Variants in LRP5 observed in about 807,000 individuals in gnomAD.
LRP5 encodes LDL receptor related protein 5, also known as low-density lipoprotein receptor-related protein 5.
LRP5 carries 62 observed loss-of-function variants against 154.1 expected under a neutral mutation model. That is an observed-to-expected ratio of 0.40 (90% CI 0.33 to 0.50). LRP5 has a LOEUF of 0.50. Among genes scored for constraint, LRP5 ranks in the 20% least tolerant of loss-of-function variants. LRP5 has a pLI of 0.55. For missense variants in LRP5, 1,915 were observed against 2,336.7 expected (o/e 0.82, Z 3.72); for synonymous variants, 966 against 1,011.5 (o/e 0.96, Z 0.85).
chr11:68,314,698 T>C (rs2153111163), intron 1 of LRP5, among the ~76,000 whole-genome samples: 1 of 152,324 alleles, frequency 6.6e-6, no homozygotes, highest in South Asian at 2.1e-4. Context: ...AGGGCCGGCC[T>C]GTCCAGGCAC....
At chr11:68,428,050 T>A (rs2098669845) in intron 16 of LRP5, among the ~76,000 whole-genome samples, 1 of 151,738 alleles carries the variant, frequency 6.6e-6, no homozygotes, top group Admixed American at 6.6e-5. Context: ...TGGAGTGCAG[T>A]GGCGCGATCT....
At chr11:68,332,617 A>C (rs1019972607) in intron 1 of LRP5, among the ~76,000 whole-genome samples, 1 of 152,048 alleles carries the variant, frequency 6.6e-6, no homozygotes, top group African/African-American at 2.4e-5. Flanking sequence ...GAGACCAGGG[A>C]GGGTTTTTAG....
chr11:68,298,718 C>G, the LRP5 span, among the ~76,000 whole-genome samples: 1 of 152,152 alleles, frequency 6.6e-6, no homozygotes, highest in African/African-American at 2.4e-5. Context: ...AGGACTCCAC[C>G]AGGGAGCAGG....
At chr11:68,347,645 C>T (rs1400687820) in intron 1 of LRP5, among the ~76,000 whole-genome samples, 5 of 152,214 alleles carry the variant, frequency 3.3e-5, no homozygotes, top group South Asian at 2.1e-4. Flanking sequence ...CTGTTTGCTG[C>T]GCTGCAGGAG....
At chr11:68,394,386 G>A (rs554185227) in intron 7 of LRP5, among the ~76,000 whole-genome samples, 6 of 151,848 alleles carry the variant, frequency 4.0e-5, no homozygotes, top group Admixed American at 2.6e-4. Flanking sequence ...GAACAGGGGG[G>A]TCGCAGGAGC....
chr11:68,390,135 C>T (rs1354198177), intron 7 of LRP5, 83 bp downstream of exon 7: 7 of 1,510,578 alleles, frequency 4.6e-6, no homozygotes, highest in African/African-American at 4.1e-5. Context: ...GGCGAGGCAC[C>T]GATGGGTGCC....
At chr11:68,347,136 T>G (rs972876883) in intron 1 of LRP5, among the ~76,000 whole-genome samples, 1 of 152,188 alleles carries the variant, frequency 6.6e-6, no homozygotes, top group Non-Finnish European at 1.5e-5. Flanking sequence ...GAGGCCAGGC[T>G]AGGGGGTCTG....
At chr11:68,445,796 G>T (rs1591337800) in intron 21 of LRP5, 2 of 593,198 alleles carry the variant, frequency 3.4e-6, no homozygotes, top group East Asian at 1.1e-4. Context: ...TGGTGAATTT[G>T]TCTATTTACT....
At chr11:68,372,914 A>G (rs1027554473) in intron 5 of LRP5, among the ~76,000 whole-genome samples, 7 of 152,056 alleles carry the variant, frequency 4.6e-5, no homozygotes, top group African/African-American at 1.7e-4. Flanking sequence ...GGAGGGGGGC[A>G]GGGCCTGGCT....
rs2098661604 is a variant in LRP5, at chr11:68,414,803, A to G, written c.2827+791A>G. On this transcript the variant is annotated intron_variant, in intron 12 of 22. Transcript: ENST00000294304. ...CCTGTCCCAGCTGCATGGATGGGGA[A>G]CTTGAGGCTTGCAAAGGTTAAGGGG... 2.0e-5 allele frequency among the ~76,000 whole-genome samples: 3 copies of G among 152,194 alleles called. No homozygotes were observed. In the South Asian group the frequency reaches 6.2e-4, roughly 32 times the overall value.
At chr11:68,371,140 G>A (rs944418959) in intron 5 of LRP5, among the ~76,000 whole-genome samples, 1 of 152,200 alleles carries the variant, frequency 6.6e-6, no homozygotes, top group African/African-American at 2.4e-5. Flanking sequence ...GGCAGCTGGT[G>A]TGGAAATAGA....
intron 7 of LRP5, among the ~76,000 whole-genome samples, chr11:68,402,852 A>T (rs2098653365): frequency 1.3e-5 from 2 of 152,156 alleles, no homozygotes; most frequent in Non-Finnish European, 2.9e-5. Context: ...GTCTGTTCCA[A>T]ATCTTGCTTC....
rs1389185466 is a variant in LRP5 at position 68,413,995 on chromosome 11, G to C, written c.2810G>C (p.Ser937Thr). 1.9e-6 allele frequency: 3 copies of C among 1,603,628 alleles called. No individual in the cohort carries two copies. Among genetic ancestry groups the C allele is most frequent in the African/African-American group, 2.7e-5 (2 of 74,930 alleles). Residue 937 changes from serine to threonine, a missense_variant, in exon 12 of 23, where the codon AGC becomes ACC. Ser to Thr is a moderately conservative substitution (Grantham distance 58). Coordinates refer to ENST00000294304, the MANE Select transcript of LRP5 (RefSeq NM_002335.4). This position sits in a 1 kb window ranked among gnomAD's most constrained non-coding sequence, Gnocchi z 5.1. ...GCASHYTLDP[S>T]SRNCSPPTTF... ...GCCTCACACTACACCCTGGACCCCA[G>C]CAGCCGCAACTGCAGCCGTAAGTGC... is the stretch of plus-strand genomic sequence containing the variant.
At chr11:68,409,349 G>A (rs2098658105) in intron 9 of LRP5, among the ~76,000 whole-genome samples, 1 of 143,506 alleles carries the variant, frequency 7.0e-6, no homozygotes, top group Non-Finnish European at 1.5e-5. Flanking sequence ...ATTTTTTAAT[G>A]TATGATATAT....
intron 12 of LRP5, among the ~76,000 whole-genome samples, chr11:68,415,428 G>T (rs1027185982): frequency 1.3e-5 from 2 of 152,146 alleles, no homozygotes; most frequent in Admixed American, 6.5e-5. Flanking sequence ...CCTGCCTTCC[G>T]TCTTAAGTGT....
At chr11:68,321,688 A>G (rs1327817438) in intron 1 of LRP5, among the ~76,000 whole-genome samples, 3 of 152,164 alleles carry the variant, frequency 2.0e-5, no homozygotes, top group African/African-American at 7.2e-5. Flanking sequence ...ATGCACACTA[A>G]TTTTAGCATT....
chr11:68,371,564 C>T (rs1392970284), intron 5 of LRP5, among the ~76,000 whole-genome samples: 3 of 152,262 alleles, frequency 2.0e-5, no homozygotes, highest in African/African-American at 7.2e-5. Context: ...TGAGCACAGT[C>T]GCTGTTCTCG....
At chr11:68,323,436 G>C (rs1299027211) in intron 1 of LRP5, among the ~76,000 whole-genome samples, 2 of 151,490 alleles carry the variant, frequency 1.3e-5, no homozygotes, top group African/African-American at 2.4e-5. Context: ...TTTTGAGATA[G>C]AGTCTGACTC....
intron 3 of LRP5, among the ~76,000 whole-genome samples, chr11:68,360,049 A>C (rs1441531353): frequency 6.6e-6 from 1 of 152,038 alleles, no homozygotes; most frequent in Non-Finnish European, 1.5e-5. Context: ...TGAGCCTCTC[A>C]AAGTGCTGGG....
Sources: gnomAD v4.1 joint callset for allele counts (sites outside exome capture counted in the v4.1 genomes callset) on GRCh38, gnomAD v4.1.1 for gene constraint, Gnocchi (gnomAD v3.1) non-coding constraint, MANE v1.5 for transcripts, NCBI Gene and HGNC (gene_info 2026-07-23, HGNC 2026-07-21) for gene names.